Variants in MTUS2 observed in about 807,000 individuals in gnomAD.
MTUS2 encodes the protein microtubule-associated tumor suppressor candidate 2.
A neutral mutation model predicts 114.1 loss-of-function variants in MTUS2; 40 were observed. The ratio of observed to expected loss-of-function variants is 0.35; its 90% CI spans 0.27 to 0.46. The LOEUF (loss-of-function observed/expected upper bound fraction) is 0.46, where lower values mean the gene tolerates loss of function less well. MTUS2 is among the 20% of genes least tolerant of loss of function. MTUS2 has a pLI of 1.00. For synonymous variants in MTUS2, 688 were observed against 672.0 expected, an observed-to-expected ratio of 1.02 and a Z score of -0.37; for missense variants, 1,679 against 1,705.4, an observed-to-expected ratio of 0.98 and a Z score of 0.27.
At chr13:29,297,567 A>G (rs142326210) in intron 6 of MTUS2, among the ~76,000 whole-genome samples, 2 of 152,314 alleles carry the variant, frequency 1.3e-5, no homozygotes, top group Admixed American at 1.3e-4. Context: ...GATGGAAGCC[A>G]ATTAATTGCA....
intron 2 of MTUS2, among the ~76,000 whole-genome samples, chr13:29,010,040 T>C (rs538465740): frequency 9.2e-5 from 14 of 151,930 alleles, no homozygotes; most frequent in African/African-American, 3.4e-4. Flanking sequence ...TGAAACCCCC[T>C]CTCTACTAAA....
intron 4 of MTUS2, among the ~76,000 whole-genome samples, chr13:29,056,651 G>A (rs1888147302): frequency 6.6e-6 from 1 of 151,894 alleles, no homozygotes; most frequent in Non-Finnish European, 1.5e-5. Flanking sequence ...GGGGCCAGTG[G>A]TAATGTCCCC....
intron 4 of MTUS2, among the ~76,000 whole-genome samples, chr13:29,059,712 G>A (rs1395909779): frequency 6.6e-6 from 1 of 152,228 alleles, no homozygotes; most frequent in African/African-American, 2.4e-5. Flanking sequence ...GGCTATGAGA[G>A]TTGGGGTCGG....
intron 9 of MTUS2, among the ~76,000 whole-genome samples, chr13:29,454,418 A>G (rs1054022186): frequency 9.9e-5 from 15 of 152,244 alleles, no homozygotes; most frequent in African/African-American, 3.4e-4. Context: ...TACACCAGGA[A>G]TGGTTCTGAC....
intron 12 of MTUS2, among the ~76,000 whole-genome samples, chr13:29,495,181 C>CAAAAAAAAA (rs71090260): frequency 3.3e-5 from 1 of 30,068 alleles, no homozygotes; most frequent in Non-Finnish European, 5.9e-5. Context: ...AACTCCGTCT[C>CAAAAAAAAA]AAAAAAAAAA....
chr13:29,438,942 G>A (rs1877622899), intron 8 of MTUS2, among the ~76,000 whole-genome samples: 2 of 152,126 alleles, frequency 1.3e-5, no homozygotes, highest in South Asian at 4.1e-4. Context: ...AAACAATATT[G>A]TGAGAACTGT....
chr13:29,022,647 G>A (rs1038329363), intron 2 of MTUS2, among the ~76,000 whole-genome samples: 1 of 152,244 alleles, frequency 6.6e-6, no homozygotes, highest in Admixed American at 6.5e-5. Flanking sequence ...GAATGAGGAG[G>A]AAAGTGTGGA....
intron 2 of MTUS2, among the ~76,000 whole-genome samples, chr13:28,895,156 G>A (rs1162029204): frequency 6.6e-6 from 1 of 152,144 alleles, no homozygotes; most frequent in Non-Finnish European, 1.5e-5. Flanking sequence ...ATCTATTTGT[G>A]GAAGTAGTCC....
chr13:29,033,960 C>G lies in MTUS2; in HGVS notation c.2281C>G (p.Arg761Gly). ...AHYEVPPTFY[R>G]SAMLLKPQLG... Reference sequence around the variant, plus strand: ...TTATGAAGTCCCTCCAACTTTCTATCGGTCAGCCATGCTCCTTAAGCCCCA... The same window carrying G: ...TTATGAAGTCCCTCCAACTTTCTATGGGTCAGCCATGCTCCTTAAGCCCCA... Residue 761 changes from arginine (R) to glycine (G), a missense_variant, in exon 4 of 16, where the codon CGG becomes GGG. By Grantham distance (125) the Arg-to-Gly change is moderately radical. This residue lies in a region of MTUS2 where 822 missense variants were observed against 899.7 expected (regional missense o/e 0.91). Coordinates refer to ENST00000612955, the MANE Select transcript of MTUS2 (RefSeq NM_001033602.4). The G allele has an allele frequency of 1.2e-6, 2 of 1,613,992 alleles. No individual in the cohort carries two copies. Among genetic ancestry groups the G allele is most frequent in the Non-Finnish European group, 1.7e-6 (2 of 1,179,880 alleles).
intron 4 of MTUS2, among the ~76,000 whole-genome samples, chr13:29,084,907 G>T (rs7330107): frequency 0.053 from 8,133 of 152,028 alleles, 734 homozygotes; most frequent in African/African-American, 0.18. Context: ...TGGTTTGGAT[G>T]TGTGTCCCTC....
At chr13:29,007,067 A>G (rs1402321421) in intron 2 of MTUS2, among the ~76,000 whole-genome samples, 2 of 152,208 alleles carry the variant, frequency 1.3e-5, no homozygotes, top group African/African-American at 4.8e-5. Context: ...GACATCCAAT[A>G]CAGTGATCCT....
chr13:29,184,181 A>G (rs1404991612), intron 5 of MTUS2, among the ~76,000 whole-genome samples: 1 of 152,194 alleles, frequency 6.6e-6, no homozygotes. Flanking sequence ...TGGTGGCTAA[A>G]TGTAAAAATT....
chr13:28,966,477 G>A (rs573250766), intron 2 of MTUS2, among the ~76,000 whole-genome samples: 3 of 152,218 alleles, frequency 2.0e-5, no homozygotes, highest in African/African-American at 4.8e-5. Flanking sequence ...ATCCAAGCAC[G>A]TTGTGGGGGC....
At chr13:29,357,245 C>A (rs1869826408) in intron 7 of MTUS2, among the ~76,000 whole-genome samples, 3 of 152,126 alleles carry the variant, frequency 2.0e-5, no homozygotes, top group Admixed American at 2.0e-4. Context: ...GAGCTATCCT[C>A]CCCAGAAATA....
At chr13:29,107,264 A>G (rs1890708166) in intron 5 of MTUS2, among the ~76,000 whole-genome samples, 1 of 152,086 alleles carries the variant, frequency 6.6e-6, no homozygotes, top group African/African-American at 2.4e-5. Flanking sequence ...ACAGACTATA[A>G]GCTCTTAGGG....
At chr13:29,100,723 C>G in intron 4 of MTUS2, 50 bp from the exon 5 acceptor site, 1 of 1,530,330 alleles carries the variant, frequency 6.5e-7, no homozygotes, top group Non-Finnish European at 8.8e-7. Context: ...AATTCATTAT[C>G]TCATTATGAA....
intron 4 of MTUS2, among the ~76,000 whole-genome samples, chr13:29,064,725 C>G (rs1371986403): frequency 6.6e-6 from 1 of 151,934 alleles, no homozygotes; most frequent in Non-Finnish European, 1.5e-5. Flanking sequence ...ATTTTGTCAC[C>G]CAGGTACTAA....
intron 5 of MTUS2, among the ~76,000 whole-genome samples, chr13:29,193,704 A>G (rs1476496086): frequency 8.5e-5 from 13 of 152,172 alleles, no homozygotes; most frequent in Non-Finnish European, 1.6e-4. Flanking sequence ...ATCCCCATCA[A>G]TCTACCAATG....
chr13:29,274,550 T>C (rs1897992400), intron 5 of MTUS2, among the ~76,000 whole-genome samples: 1 of 152,230 alleles, frequency 6.6e-6, no homozygotes, highest in South Asian at 2.1e-4. Flanking sequence ...ATTTTTATTA[T>C]AGCTATTCTG....
Sources: allele counts gnomAD v4.1 joint callset (sites outside exome capture counted in the v4.1 genomes callset), GRCh38; gene constraint gnomAD v4.1.1; regional missense constraint gnomAD v4.1.1; transcripts MANE v1.5; gene names NCBI Gene and HGNC (gene_info 2026-07-23, HGNC 2026-07-21).